MFNG: variants seen among roughly 807,000 people sequenced by gnomAD.
MFNG encodes the protein beta-1,3-N-acetylglucosaminyltransferase manic fringe.
MFNG carries 24 observed loss-of-function variants against 34.2 expected under a neutral mutation model. The observed-to-expected ratio is 0.70, with a 90% CI of 0.51 to 0.99. MFNG has a LOEUF of 0.99. Ranked by LOEUF, MFNG falls within the 50% of genes least tolerant of loss-of-function variation. The probability of loss-of-function intolerance (pLI) is 0.00; values close to 1 mark genes in which losing one functional copy is unlikely to be tolerated. For synonymous variants in MFNG, 158 were observed against 179.2 expected, an observed-to-expected ratio of 0.88 and a Z score of 0.94; for missense variants, 383 against 424.0, an observed-to-expected ratio of 0.90 and a Z score of 0.85.
At position 37,485,748 on chromosome 22, in the gene MFNG, G is replaced by A. The variant is rs1601802586; in HGVS notation, c.255+175C>T. Among the ~76,000 whole-genome samples the A allele has an allele frequency of 6.6e-6, 1 of 152,188 alleles. No homozygotes were observed. Among genetic ancestry groups the A allele is most frequent in the Non-Finnish European group, 1.5e-5 (1 of 68,046 alleles). ...AGGACCAGTACAGGGCACGGGCAGG[G>A]CCGCAGGCAGCCCCTAAAGCCCGGA... On this transcript the variant is annotated intron_variant, in intron 1 of 7. Coordinates refer to ENST00000356998, the MANE Select transcript of MFNG (RefSeq NM_002405.4). The surrounding 1 kb of genome is among the most constrained non-coding windows in gnomAD (Gnocchi z 5.3).
Position 37,486,196 on chromosome 22 carries a change from C to A in MFNG, c.-19G>T. ...ACTGCATTGGTTGGCCCTGGGACCC[C>A]AGACAGCTCAGCCCCCAAATCCCAA... On this transcript the variant is annotated 5_prime_UTR_variant, in exon 1 of 8. Transcript: ENST00000356998. The A allele has an allele frequency of 6.6e-7, 1 of 1,519,700 alleles. No individual in the cohort carries two copies. The highest frequency in any genetic ancestry group is 1.4e-5 in the African/African-American group (1 of 72,768). 94.1% of individuals were successfully genotyped at this position (1,519,700 alleles called of 1,614,324 possible).
rs751323594 is a variant in MFNG, at chr22:37,486,225, G to C, written c.-48C>G. On this transcript the variant is annotated 5_prime_UTR_variant, in exon 1 of 8. Transcript: ENST00000356998. Reference sequence around the variant, plus strand: ...CAGCTCAGCCCCCAAATCCCAACCAGACAGGGAGGGGAAGCTGGTCAGGCA... The same window carrying C: ...CAGCTCAGCCCCCAAATCCCAACCACACAGGGAGGGGAAGCTGGTCAGGCA... 1.4e-6 allele frequency: 2 copies of C among 1,469,892 alleles called. No individual in the cohort carries two copies. The highest frequency in any genetic ancestry group is 2.7e-5 in the South Asian group (2 of 72,952). 91.1% of individuals were successfully genotyped at this position (1,469,892 alleles called of 1,614,324 possible).
chr22:37,480,791 C>T, intron 1 of MFNG, 22 bp from the exon 2 acceptor site: 1 of 1,611,398 alleles, frequency 6.2e-7, no homozygotes, highest in Non-Finnish European at 8.5e-7. Context: ...AAGAAGGGGT[C>T]AGGACTCACA....
chr22:37,471,555 G>A (rs879483981), intron 7 of MFNG, among the ~76,000 whole-genome samples: 37 of 152,122 alleles, frequency 2.4e-4, no homozygotes, highest in Non-Finnish European at 5.1e-4. Flanking sequence ...GCTGGGCCGG[G>A]GGCAGCGGCT....
chr22:37,471,341 A>T (rs1921792555), intron 7 of MFNG, among the ~76,000 whole-genome samples: 1 of 152,224 alleles, frequency 6.6e-6, no homozygotes, highest in South Asian at 2.1e-4. Flanking sequence ...CTGCCCAGAG[A>T]TGGAACAGAC....
chr22:37,480,356 G>A lies in MFNG; in HGVS notation c.305-57C>T, dbSNP rs866915473. The stretch of plus-strand genomic sequence containing the variant: ...GCCCAGGTCCCCCCTTCAGAGCCCT[G>A]AACACAGAATACAGAGCAAGGCTGG... On this transcript the variant is annotated intron_variant, in intron 2 of 7. Coordinates refer to ENST00000356998, the MANE Select transcript of MFNG (RefSeq NM_002405.4). The A allele has an allele frequency of 4.4e-6, 6 of 1,367,656 alleles. No homozygotes were observed. The Middle Eastern group carries it at 1.0e-3, about 235-fold the overall frequency. 84.7% of individuals were successfully genotyped at this position (1,367,656 alleles called of 1,614,324 possible).
chr22:37,472,234 C>T (rs191189774), intron 7 of MFNG, among the ~76,000 whole-genome samples: 3 of 151,952 alleles, frequency 2.0e-5, no homozygotes. Context: ...AATGGGAGAC[C>T]GAATCCCAGA....
rs913243094 is a variant in MFNG at position 37,471,830 on chromosome 22, C to CAAAA, written c.899+609_899+612dup. 3.0e-3 allele frequency among the ~76,000 whole-genome samples: 105 copies of CAAAA among 35,486 alleles called. 6 individuals are homozygous for CAAAA. Among genetic ancestry groups the CAAAA allele is most frequent in the African/African-American group, 0.01 (86 of 8,570 alleles). The allele number at this position is 35,486 out of a possible 152,430, so 23.3% of individuals were successfully genotyped here. ...TGGGCAACAGAGCGAGGCTCCATCT[C>CAAAA]AAAAAAAAAAAAAAAAAAAAAAAAA... On this transcript the variant is annotated intron_variant, in intron 7 of 7. Coordinates refer to ENST00000356998, the MANE Select transcript of MFNG (RefSeq NM_002405.4).
chr22:37,482,433 ACACACACACG>A lies in MFNG; in HGVS notation c.256-1674_256-1665del, dbSNP rs968050040. Among the ~76,000 whole-genome samples the A allele has an allele frequency of 2.9e-3, 371 of 129,538 alleles. 2 individuals are homozygous for A. The highest frequency in any genetic ancestry group is 4.0e-3 in the Middle Eastern group (1 of 252). The allele number at this position is 129,538 out of a possible 152,430, so 85.0% of individuals were successfully genotyped here. Reference sequence around the variant, plus strand: ...TTCTCTCTCTGTCTCTCTCTCTCACACACACACACGCACACACACGCACGCATACACACAC... The same window carrying A: ...TTCTCTCTCTGTCTCTCTCTCTCACACACACACACGCACGCATACACACAC... On this transcript the variant is annotated intron_variant, in intron 1 of 7. Coordinates refer to ENST00000356998, the MANE Select transcript of MFNG (RefSeq NM_002405.4). This position sits in a 1 kb window ranked among gnomAD's most constrained non-coding sequence, Gnocchi z 4.1.
intron 1 of MFNG, chr22:37,481,219 T>C (rs763704635): frequency 2.6e-4 from 42 of 163,642 alleles, no homozygotes; most frequent in Non-Finnish European, 5.1e-4. Flanking sequence ...ACCACGCCAC[T>C]AGGGAGACGT....
chr22:37,482,152 C>A lies in MFNG; in HGVS notation c.256-1383G>T, dbSNP rs1486646792. Among the ~76,000 whole-genome samples the A allele has an allele frequency of 6.6e-6, 1 of 152,164 alleles. No individual in the cohort carries two copies. The highest frequency in any genetic ancestry group is 1.5e-5 in the Non-Finnish European group (1 of 68,032). ...CAGGCTATCTCCTAAGGCCCATGGC[C>A]ACAGCCCTGCTTCTGAGCCACTATC... On this transcript the variant is annotated intron_variant, in intron 1 of 7. Transcript: ENST00000356998. The surrounding 1 kb of genome is among the most constrained non-coding windows in gnomAD (Gnocchi z 4.1).
rs144197594 is a variant in MFNG, at chr22:37,479,454, G to A, written c.452C>T (p.Ala151Val). The A allele has an allele frequency of 6.0e-5, 96 of 1,610,594 alleles. No individual in the cohort carries two copies. The African/African-American group carries it at 6.2e-4, about 10-fold the overall frequency. ...GAAGGCTCTCAGAAGCTGCAGCAGC[G>A]CCCTTGGGTTCACATAGTTGTCATC... ...VDDDNYVNPR[A>V]LLQLLRAFPL... The change falls in exon 4 of 8, where the codon GCG (alanine) becomes GTG (valine). Residue 151 changes from alanine (A) to valine (V), a missense_variant. Physicochemically the swap from Ala to Val is moderately conservative, Grantham distance 64. Coordinates refer to ENST00000356998, the MANE Select transcript of MFNG (RefSeq NM_002405.4).
intron 6 of MFNG, among the ~76,000 whole-genome samples, chr22:37,473,549 C>T (rs1921902197): frequency 6.6e-6 from 1 of 152,190 alleles, no homozygotes. Flanking sequence ...TTCCTGGCTT[C>T]AGGCCCTGCC....
At chr22:37,481,143 A>G in intron 1 of MFNG, 1 of 251,982 alleles carries the variant, frequency 4.0e-6, no homozygotes, top group Non-Finnish European at 7.8e-6. Context: ...ATCACAGAAC[A>G]CAATCTTAAA....
At chr22:37,475,755 T>G (rs1004701936) in intron 5 of MFNG, among the ~76,000 whole-genome samples, 5 of 151,634 alleles carry the variant, frequency 3.3e-5, no homozygotes, top group African/African-American at 1.2e-4. Flanking sequence ...CCTGCAGGAG[T>G]TGGAGGGAGA....
At chr22:37,470,818 ACAC>A (rs1366972096) in intron 7 of MFNG, among the ~76,000 whole-genome samples, 1 of 152,096 alleles carries the variant, frequency 6.6e-6, no homozygotes, top group Non-Finnish European at 1.5e-5. Context: ...ACCAAATTTG[ACAC>A]CATTCCCTCC....
intron 5 of MFNG, 92 bp downstream of exon 5, chr22:37,476,804 C>G (rs1347344396): frequency 9.3e-7 from 1 of 1,070,392 alleles, no homozygotes; most frequent in Non-Finnish European, 1.4e-6. Flanking sequence ...CCTGAGCTCA[C>G]TCTCAAAGCC....
Position 37,486,367 on chromosome 22 carries a change from G to A in MFNG, c.-190C>T. The A allele has an allele frequency of 3.9e-6, 2 of 515,858 alleles. No individual in the cohort carries two copies. Among genetic ancestry groups the A allele is most frequent in the Admixed American group, 4.2e-5 (1 of 23,822 alleles). The allele number at this position is 515,858 out of a possible 1,614,324, so 32.0% of individuals were successfully genotyped here. A position where few individuals can be genotyped will look rare whatever the true frequency, so the allele number is the denominator to read the frequency against. Reference sequence around the variant, plus strand: ...CCATGGCAGCACGATCTCGACCGCCGCCAGTCCTCCACCTGCTCCCGCTGT... The same window carrying A: ...CCATGGCAGCACGATCTCGACCGCCACCAGTCCTCCACCTGCTCCCGCTGT... On this transcript the variant is annotated 5_prime_UTR_variant, in exon 1 of 8. Coordinates refer to ENST00000356998, the MANE Select transcript of MFNG (RefSeq NM_002405.4).
rs530277169 is a variant in MFNG, at chr22:37,485,506, G to C, written c.255+417C>G. Among the ~76,000 whole-genome samples the C allele has an allele frequency of 6.6e-6, 1 of 152,320 alleles. No individual in the cohort carries two copies. Among genetic ancestry groups the C allele is most frequent in the South Asian group, 2.1e-4 (1 of 4,828 alleles). Reference sequence around the variant, plus strand: ...GGGTGGGACAGCCTGGCCTGGGCACGGGTCTGGGTCAGGACCTCTTGGAGG... The same window carrying C: ...GGGTGGGACAGCCTGGCCTGGGCACCGGTCTGGGTCAGGACCTCTTGGAGG... On this transcript the variant is annotated intron_variant, in intron 1 of 7. Coordinates refer to ENST00000356998, the MANE Select transcript of MFNG (RefSeq NM_002405.4). The surrounding 1 kb of genome is among the most constrained non-coding windows in gnomAD (Gnocchi z 5.3).
Sources: gnomAD v4.1 joint callset for allele counts (sites outside exome capture counted in the v4.1 genomes callset) on GRCh38, gnomAD v4.1.1 for gene constraint, Gnocchi (gnomAD v3.1) non-coding constraint, MANE v1.5 for transcripts, NCBI Gene and HGNC (gene_info 2026-07-23, HGNC 2026-07-21) for gene names.